Variants in HTR7 observed in about 807,000 individuals in gnomAD.
The protein encoded by HTR7 is 5-hydroxytryptamine receptor 7.
HTR7 carries 16 observed loss-of-function variants against 34.0 expected under a neutral mutation model. That is an observed-to-expected ratio of 0.47 (90% CI 0.32 to 0.71). The LOEUF is 0.71. HTR7 is among the 30% of genes least tolerant of loss of function. HTR7 has a pLI of 0.04. For missense variants in HTR7, 504 were observed against 625.5 expected, an observed-to-expected ratio of 0.81 and a Z score of 2.07; for synonymous variants, 265 against 260.2, an observed-to-expected ratio of 1.02 and a Z score of -0.18.
Position 90,742,315 on chromosome 10 carries a change from C to G in HTR7, c.*167G>C. ...GATCCACAGAAAAAAGGAGAAGTCA[C>G]CATCTCCCTCATAAGATAGTGTGTA... On this transcript the variant is annotated 3_prime_UTR_variant, in exon 4 of 4. Transcript: ENST00000336152. 1 of 529,864 alleles carries G rather than the reference C, an allele frequency of 1.9e-6. No homozygotes were observed. Among genetic ancestry groups the G allele is most frequent in the South Asian group, 2.7e-5 (1 of 36,920 alleles). 32.8% of individuals were successfully genotyped at this position (529,864 alleles called of 1,614,324 possible).
At chr10:90,781,479 C>T (rs112405562) in intron 1 of HTR7, among the ~76,000 whole-genome samples, 5 of 152,242 alleles carry the variant, frequency 3.3e-5, no homozygotes, top group African/African-American at 4.8e-5. Context: ...TTCATATTCC[C>T]CACAAGATCC....
At chr10:90,783,556 C>T (rs1419374288) in intron 1 of HTR7, among the ~76,000 whole-genome samples, 1 of 152,288 alleles carries the variant, frequency 6.6e-6, no homozygotes, top group South Asian at 2.1e-4. Flanking sequence ...TACTTTCTTG[C>T]CAGCTCAGCC....
rs1206479699 is a variant in HTR7, at chr10:90,741,584, T to C, written c.*898A>G. 2 of 152,274 alleles carry C rather than the reference T, an allele frequency of 1.3e-5. No homozygotes were observed. Among genetic ancestry groups the C allele is most frequent in the Non-Finnish European group, 2.9e-5 (2 of 68,044 alleles). The allele number at this position is 152,274 out of a possible 1,614,324, so 9.4% of individuals were successfully genotyped here. A position where few individuals can be genotyped will look rare whatever the true frequency, so the allele number is the denominator to read the frequency against. Reference sequence around the variant, plus strand: ...CCATCTCCAGAAGCATCACATTTCATGGAAAACCCATCATTCCCACACTTC... The same window carrying C: ...CCATCTCCAGAAGCATCACATTTCACGGAAAACCCATCATTCCCACACTTC... On this transcript the variant is annotated 3_prime_UTR_variant, in exon 4 of 4. Coordinates refer to ENST00000336152, the MANE Select transcript of HTR7 (RefSeq NM_019859.4).
chr10:90,794,274 G>A (rs568646802), intron 1 of HTR7, among the ~76,000 whole-genome samples: 22 of 152,224 alleles, frequency 1.4e-4, no homozygotes, highest in African/African-American at 5.3e-4. Context: ...CAACATACAA[G>A]GAGCCGTCAT....
rs890117892 is a variant in HTR7 at position 90,857,029 on chromosome 10, C to G, written c.539+104G>C. On this transcript the variant is annotated intron_variant, in intron 1 of 3. Coordinates refer to ENST00000336152, the MANE Select transcript of HTR7 (RefSeq NM_019859.4). The surrounding 1 kb of genome is among the most constrained non-coding windows in gnomAD (Gnocchi z 6.5). ...GTGTTTTAAGCGCAGCCCTTCATCC[C>G]GCCTTGAAGTCTAGCTTGATCCTCC... 2.7e-6 allele frequency: 3 copies of G among 1,104,970 alleles called. No individual in the cohort carries two copies. Among genetic ancestry groups the G allele is most frequent in the South Asian group, 1.7e-5 (1 of 60,394 alleles). 68.4% of individuals were successfully genotyped at this position (1,104,970 alleles called of 1,614,324 possible).
At chr10:90,773,616 C>T (rs1453979957) in intron 1 of HTR7, among the ~76,000 whole-genome samples, 1 of 152,136 alleles carries the variant, frequency 6.6e-6, no homozygotes, top group African/African-American at 2.4e-5. Flanking sequence ...ACCCCCACTA[C>T]TCTTCCCAGC....
chr10:90,847,263 G>T (rs559805741), intron 1 of HTR7, among the ~76,000 whole-genome samples: 8 of 151,778 alleles, frequency 5.3e-5, no homozygotes, highest in Non-Finnish European at 7.4e-5. Context: ...ATTTGGGAGT[G>T]GTCTGTAAGC....
intron 1 of HTR7, among the ~76,000 whole-genome samples, chr10:90,758,914 G>A (rs1055736832): frequency 4.8e-4 from 73 of 152,292 alleles, no homozygotes; most frequent in African/African-American, 1.6e-3. Flanking sequence ...GCGGCCGGGC[G>A]TGGTGGCTCA....
chr10:90,857,563 C>A lies in HTR7; in HGVS notation c.109G>T (p.Ala37Ser), dbSNP rs779335461. 4 of 1,594,982 alleles carry A rather than the reference C, an allele frequency of 2.5e-6. No homozygotes were observed. Among genetic ancestry groups the A allele is most frequent in the South Asian group, 2.2e-5 (2 of 89,346 alleles). The part of the protein sequence containing the change: ...GLPDLSPDGG[A>S]DPVAGSWAPH... ...GCCCAGGAGCCCGCGACCGGGTCGGCGCCACCGTCGGGGCTCAAGTCGGGC... is the reference window on the plus strand; with the variant it reads ...GCCCAGGAGCCCGCGACCGGGTCGGAGCCACCGTCGGGGCTCAAGTCGGGC... The change falls in exon 1 of 4, where the codon GCC becomes TCC. Residue 37 changes from alanine (A) to serine (S), a missense_variant. Physicochemically the swap from Ala to Ser is moderately conservative, Grantham distance 99 (BLOSUM62 1). This residue lies in a region of HTR7 where 139 missense variants were observed against 117.1 expected (regional missense o/e 1.19). Transcript: ENST00000336152. The surrounding 1 kb of genome is among the most constrained non-coding windows in gnomAD (Gnocchi z 6.5).
chr10:90,838,230 C>G (rs945893033), intron 1 of HTR7, among the ~76,000 whole-genome samples: 3 of 152,210 alleles, frequency 2.0e-5, no homozygotes, highest in African/African-American at 7.2e-5. Context: ...ACCAATTCTA[C>G]TACCATCATG....
intron 1 of HTR7, among the ~76,000 whole-genome samples, chr10:90,768,426 C>T (rs947616057): frequency 6.6e-6 from 1 of 152,156 alleles, no homozygotes; most frequent in Admixed American, 6.5e-5. Flanking sequence ...GCTTCAAATT[C>T]TGTTTCCATC....
intron 1 of HTR7, among the ~76,000 whole-genome samples, chr10:90,827,647 T>C (rs1346085372): frequency 1.3e-5 from 2 of 152,224 alleles, no homozygotes; most frequent in Non-Finnish European, 2.9e-5. Flanking sequence ...GGTCATTGTA[T>C]AATGATAAAA....
chr10:90,802,654 C>T (rs545617091), intron 1 of HTR7, among the ~76,000 whole-genome samples: 49 of 152,322 alleles, frequency 3.2e-4, no homozygotes, highest in Non-Finnish European at 6.0e-4. Flanking sequence ...TAAAAATTCT[C>T]TTTAAAGAGC....
intron 3 of HTR7, among the ~76,000 whole-genome samples, chr10:90,743,327 T>A (rs1844584082): frequency 6.6e-6 from 1 of 152,208 alleles, no homozygotes; most frequent in African/African-American, 2.4e-5. Flanking sequence ...TTCTAGCTTT[T>A]CCCCTCAGCC....
chr10:90,749,095 A>G lies in HTR7; in HGVS notation c.1039T>C (p.Ser347Pro). The G allele has an allele frequency of 6.2e-7, 1 of 1,614,150 alleles. No homozygotes were observed. Among genetic ancestry groups the G allele is most frequent in the Non-Finnish European group, 8.5e-7 (1 of 1,180,016 alleles). Residue 347 changes from serine to proline, a missense_variant, in exon 2 of 4, where the codon TCG (serine) becomes CCG (proline). Physicochemically the swap from Ser to Pro is moderately conservative, Grantham distance 74 (BLOSUM62 -1). Transcript: ENST00000336152. This position sits in a 1 kb window ranked among gnomAD's most constrained non-coding sequence, Gnocchi z 4.2. ...TVCWLPFFLLSTARPFICGTS... is the reference protein window; with the variant it reads ...TVCWLPFFLLPTARPFICGTS... ...CCACAGATGAAGGGTCTGGCTGTCG[A>G]GAGGAGGAAAAATGGCAGCCAGCAC...
chr10:90,801,583 C>T (rs971972240), intron 1 of HTR7, among the ~76,000 whole-genome samples: 3 of 152,146 alleles, frequency 2.0e-5, no homozygotes, highest in Non-Finnish European at 2.9e-5. Context: ...ACTTTTTCTC[C>T]CATTAATCTG....
chr10:90,820,748 C>T (rs1315572318), intron 1 of HTR7, among the ~76,000 whole-genome samples: 1 of 152,186 alleles, frequency 6.6e-6, no homozygotes, highest in East Asian at 1.9e-4. Context: ...TTTACCCAGA[C>T]AGAACCCCAT....
rs555271525 is a variant in HTR7, at chr10:90,841,488, C to A, written c.539+15645G>T. On this transcript the variant is annotated intron_variant, in intron 1 of 3. Coordinates refer to ENST00000336152, the MANE Select transcript of HTR7 (RefSeq NM_019859.4). ...ACTCTAGAGAGGATTCATTTCATCA[C>A]CTTTTCCGTCTTTTAGAGGCTTCTC... Among the ~76,000 whole-genome samples the A allele has an allele frequency of 1.5e-4, 23 of 152,308 alleles. 1 individual carries two copies. Among genetic ancestry groups the A allele is most frequent in the African/African-American group, 5.3e-4 (22 of 41,572 alleles).
chr10:90,823,230 C>T (rs964397512), intron 1 of HTR7, among the ~76,000 whole-genome samples: 1 of 152,148 alleles, frequency 6.6e-6, no homozygotes, highest in African/African-American at 2.4e-5. Context: ...CAACACCAGC[C>T]CATAAAAGCA....
Sources: allele counts gnomAD v4.1 joint callset (sites outside exome capture counted in the v4.1 genomes callset), GRCh38; gene constraint gnomAD v4.1.1; regional missense constraint gnomAD v4.1.1; non-coding constraint Gnocchi (gnomAD v3.1); transcripts MANE v1.5; gene names NCBI Gene and HGNC (gene_info 2026-07-23, HGNC 2026-07-21).